The following CIB4 variants were observed in gnomAD, a reference collection of about 807,000 sequenced individuals.
CIB4 encodes the protein calcium and integrin-binding family member 4.
CIB4 carries 25 observed loss-of-function variants against 25.8 expected under a neutral mutation model. The ratio of observed to expected loss-of-function variants is 0.97; its 90% confidence interval spans 0.71 to 1.35. The LOEUF is 1.35. CIB4 is among the 40% of genes most tolerant of loss of function. CIB4 has a pLI of 0.00. For synonymous variants in CIB4, 75 were observed against 81.4 expected (o/e 0.92, Z 0.42); for missense variants, 235 against 228.2 (o/e 1.03, Z -0.19).
At chr2:26,640,391 C>CCGTGT (rs1159211467) in intron 2 of CIB4, 142 bp downstream of exon 2, 12 of 833,362 alleles carry the variant, frequency 1.4e-5, no homozygotes, top group Non-Finnish European at 2.2e-5. Flanking sequence ...TCCCTGCCTG[C>CCGTGT]CGTGTCCCAG....
In CIB4 at chr2:26,610,085, G is replaced by A. The variant is rs180764370; in HGVS notation, c.187-14768C>T. Among the ~76,000 whole-genome samples the A allele has an allele frequency of 1.2e-3, 184 of 152,268 alleles. 1 individual carries two copies. The highest frequency in any genetic ancestry group is 2.0e-3 in the Non-Finnish European group (138 of 68,030). Reference sequence around the variant, plus strand: ...GTGCCTCCACGACCCTCCTGGTTCCGGCCTACTGTTTACAAGCAGCCTTCC... The same window carrying A: ...GTGCCTCCACGACCCTCCTGGTTCCAGCCTACTGTTTACAAGCAGCCTTCC... On this transcript the variant is annotated intron_variant, in intron 3 of 6. Transcript: ENST00000288861.
intron 3 of CIB4, among the ~76,000 whole-genome samples, chr2:26,610,934 G>A (rs928138095): frequency 2.0e-5 from 3 of 146,414 alleles, no homozygotes; most frequent in African/African-American, 5.1e-5. Flanking sequence ...CCAGGAAAAC[G>A]CTGCATTGCA....
chr2:26,637,674 T>C (rs1359570686), intron 2 of CIB4, among the ~76,000 whole-genome samples: 1 of 152,194 alleles, frequency 6.6e-6, no homozygotes, highest in Non-Finnish European at 1.5e-5. Flanking sequence ...GTGGAATGGC[T>C]GGGTCAAGGT....
chr2:26,613,222 T>C (rs972540755), intron 3 of CIB4, among the ~76,000 whole-genome samples: 5 of 152,140 alleles, frequency 3.3e-5, no homozygotes, highest in African/African-American at 9.7e-5. Flanking sequence ...CTCTCTCTGT[T>C]AGGAAATTTC....
In CIB4 at chr2:26,625,327, C is replaced by T. The variant is rs181359710; in HGVS notation, c.186+4083G>A. 5.3e-3 allele frequency among the ~76,000 whole-genome samples: 785 copies of T among 148,796 alleles called. 2 individuals are homozygous for T. Among genetic ancestry groups the T allele is most frequent in the Middle Eastern group, 0.011 (3 of 282 alleles). ...GACCTATGTCTGGGACCACCTAGAGCGAGGCCTTTCCTAAGGACAGCCTTT... is the reference window on the plus strand; with the variant it reads ...GACCTATGTCTGGGACCACCTAGAGTGAGGCCTTTCCTAAGGACAGCCTTT... On this transcript the variant is annotated intron_variant, in intron 3 of 6. Transcript: ENST00000288861.
chr2:26,582,914 C>G lies in CIB4; in HGVS notation c.439-1G>C. On this transcript the variant is annotated splice_acceptor_variant, in intron 5 of 6. Coordinates refer to ENST00000288861, the MANE Select transcript of CIB4 (RefSeq NM_001029881.3). LOFTEE classifies it high-confidence loss of function. ...TGTCCAGATCCGACTCACTCAGGAC[C>G]TGGCGAGGGAGCACAGAAGACAGTT... 1 of 1,610,544 alleles carries G rather than the reference C, an allele frequency of 6.2e-7. No individual in the cohort carries two copies.
chr2:26,631,090 G>A (rs1430961771), intron 2 of CIB4, among the ~76,000 whole-genome samples: 1 of 152,168 alleles, frequency 6.6e-6, no homozygotes, highest in Admixed American at 6.5e-5. Flanking sequence ...CTGTATGCAG[G>A]AGTGAGTGAC....
intron 4 of CIB4, among the ~76,000 whole-genome samples, chr2:26,585,071 G>T (rs1007386520): frequency 1.3e-5 from 2 of 152,160 alleles, no homozygotes; most frequent in Non-Finnish European, 2.9e-5. Context: ...GAACAGTCAG[G>T]GTCCACCTGA....
intron 3 of CIB4, among the ~76,000 whole-genome samples, chr2:26,600,741 A>G (rs1668766275): frequency 6.6e-6 from 1 of 152,222 alleles, no homozygotes; most frequent in African/African-American, 2.4e-5. Flanking sequence ...TATGGGTTAG[A>G]AGGCTCAATA....
In CIB4 at chr2:26,625,599, G is replaced by A. The variant is rs903422054; in HGVS notation, c.186+3811C>T. ...ACTCCCAACCTCAGGTGATCCACCC[G>A]CTTCGGCCTCCCAAAGTGCTGGGAT... On this transcript the variant is annotated intron_variant, in intron 3 of 6. Transcript: ENST00000288861. 4.6e-5 allele frequency among the ~76,000 whole-genome samples: 7 copies of A among 152,130 alleles called. No individual in the cohort carries two copies. In the South Asian group the frequency reaches 8.3e-4, roughly 18 times the overall value.
intron 3 of CIB4, among the ~76,000 whole-genome samples, chr2:26,603,265 G>A (rs933042061): frequency 9.2e-5 from 14 of 152,130 alleles, no homozygotes; most frequent in African/African-American, 3.4e-4. Flanking sequence ...AATGGAAGGT[G>A]GGACCCTGGA....
intron 3 of CIB4, among the ~76,000 whole-genome samples, chr2:26,611,968 C>T (rs1330526628): frequency 6.6e-6 from 1 of 152,104 alleles, no homozygotes; most frequent in Non-Finnish European, 1.5e-5. Flanking sequence ...ATGTTAGGGT[C>T]GTTGGATGCT....
chr2:26,629,435 T>C lies in CIB4; in HGVS notation c.161A>G (p.Gln54Arg). ...CCGCAGAGCTGGCAGGGAGCTGACCTGGTCCATGGTGAGCGTTGCCTCCTT... is the reference window on the plus strand; with the variant it reads ...CCGCAGAGCTGGCAGGGAGCTGACCCGGTCCATGGTGAGCGTTGCCTCCTT... ...YYKEATLTMD[Q>R]VSSLPALRVN... is the part of the protein sequence containing the mutation. Residue 54 changes from glutamine to arginine, a missense_variant, in exon 3 of 7, where the codon CAG becomes CGG. By Grantham distance (43) the Gln-to-Arg change is conservative. Transcript: ENST00000288861. The C allele has an allele frequency of 6.3e-7, 1 of 1,581,162 alleles. No individual in the cohort carries two copies. The highest frequency in any genetic ancestry group is 8.6e-7 in the Non-Finnish European group (1 of 1,163,226).
intron 4 of CIB4, 146 bp from the exon 5 acceptor site, chr2:26,584,044 C>T: frequency 1.6e-6 from 1 of 612,874 alleles, no homozygotes; most frequent in Non-Finnish European, 2.9e-6. Flanking sequence ...CCAACTCTCC[C>T]AGGTGGGTCA....
intron 2 of CIB4, 147 bp downstream of exon 2, chr2:26,640,386 G>T: frequency 1.3e-6 from 1 of 794,100 alleles, no homozygotes; most frequent in Non-Finnish European, 2.0e-6. Flanking sequence ...TCCCATCCCT[G>T]CCTGCCGTGT....
intron 3 of CIB4, chr2:26,623,506 T>C (rs1290064376): frequency 2.1e-6 from 1 of 471,424 alleles, no homozygotes; most frequent in Non-Finnish European, 4.4e-6. Flanking sequence ...TCTAAGCAGA[T>C]AGGAACTAGT....
chr2:26,595,438 T>C, intron 3 of CIB4, 121 bp from the exon 4 acceptor site: 1 of 1,126,522 alleles, frequency 8.9e-7, no homozygotes, highest in Non-Finnish European at 1.3e-6. Context: ...ACAGCCACAA[T>C]GTAAATATCG....
chr2:26,597,618 T>C (rs1447972432), intron 3 of CIB4, among the ~76,000 whole-genome samples: 1 of 152,234 alleles, frequency 6.6e-6, no homozygotes, highest in African/African-American at 2.4e-5. Flanking sequence ...AAATTGTTTG[T>C]TAAATATTTT....
intron 2 of CIB4, 143 bp downstream of exon 2, chr2:26,640,390 G>A (rs999276949): frequency 2.4e-6 from 2 of 841,826 alleles, no homozygotes; most frequent in South Asian, 2.0e-5. Context: ...ATCCCTGCCT[G>A]CCGTGTCCCA....
Sources: allele counts gnomAD v4.1 joint callset (sites outside exome capture counted in the v4.1 genomes callset), GRCh38; gene constraint gnomAD v4.1.1; transcripts MANE v1.5; gene names NCBI Gene and HGNC (gene_info 2026-07-23, HGNC 2026-07-21).